Variants in EXOC4 observed in about 807,000 individuals in gnomAD.
EXOC4 encodes the protein SEC8-like 1.
EXOC4 carries 71 observed loss-of-function variants against 107.2 expected under a neutral mutation model. That is an observed-to-expected ratio of 0.66 (90% confidence interval 0.55 to 0.81). EXOC4 has a LOEUF of 0.81. Ranked by LOEUF, EXOC4 falls within the 30% of genes least tolerant of loss-of-function variation. The pLI is 0.00. For synonymous variants in EXOC4, 456 were observed against 441.2 expected (o/e 1.03, Z -0.42); for missense variants, 1,108 against 1,189.6 (o/e 0.93, Z 1.01).
rs993509704 is a variant in EXOC4 at position 133,567,219 on chromosome 7, A to G, written c.1418-62826A>G. On this transcript the variant is annotated intron_variant, in intron 9 of 17. Transcript: ENST00000253861. ...AATTTATATCATTAGTTTCTTATAT[A>G]TCATTCTAGAAATTTTTTGGCATAT... Among the ~76,000 whole-genome samples, 5 of 152,168 alleles carry G rather than the reference A, an allele frequency of 3.3e-5. No homozygotes were observed. In the East Asian group the frequency reaches 9.6e-4, roughly 29 times the overall value.
intron 9 of EXOC4, 86 bp downstream of exon 9, chr7:133,480,224 C>T (rs1231533088): frequency 2.4e-5 from 37 of 1,562,910 alleles, no homozygotes; most frequent in South Asian, 4.6e-5. Flanking sequence ...TGCATTCACA[C>T]GATCCTTTCA....
chr7:133,305,987 T>C lies in EXOC4; in HGVS notation c.582T>C (p.Asp194=), dbSNP rs1381130192. ...TGAACCTTCACTTGGTTCTCATAGA[T>C]GAACTACACCGGCACCTGTACATCA... ...KKMNLHLVLI[D]ELHRHLYIKS... The change falls in exon 4 of 18, where the codon GAT becomes GAC. Residue 194 remains aspartate, a synonymous_variant. Coordinates refer to ENST00000253861, the MANE Select transcript of EXOC4 (RefSeq NM_021807.4). 6.2e-7 allele frequency: 1 copy of C among 1,613,918 alleles called. No homozygotes were observed. The highest frequency in any genetic ancestry group is 8.5e-7 in the Non-Finnish European group (1 of 1,179,894).
At chr7:134,008,997 C>G (rs892588263) in intron 17 of EXOC4, among the ~76,000 whole-genome samples, 1 of 152,070 alleles carries the variant, frequency 6.6e-6, no homozygotes, top group Non-Finnish European at 1.5e-5. Flanking sequence ...ATTTTTTTCT[C>G]TCTTCATTTG....
chr7:133,296,796 T>G (rs1055675660), intron 3 of EXOC4, among the ~76,000 whole-genome samples: 2 of 152,250 alleles, frequency 1.3e-5, no homozygotes, highest in Non-Finnish European at 2.9e-5. Flanking sequence ...TTCAGCAATT[T>G]CCATTTGGCT....
chr7:133,657,425 A>T (rs563807984), intron 10 of EXOC4, among the ~76,000 whole-genome samples: 39 of 152,270 alleles, frequency 2.6e-4, no homozygotes, highest in Non-Finnish European at 4.6e-4. Flanking sequence ...AATTTTACTG[A>T]TGTTGGTATT....
intron 17 of EXOC4, among the ~76,000 whole-genome samples, chr7:134,060,253 G>A (rs549791236): frequency 1.3e-5 from 2 of 152,314 alleles, no homozygotes; most frequent in Non-Finnish European, 2.9e-5. Context: ...GCAAAGGGTA[G>A]GAGAAGCCAC....
intron 10 of EXOC4, among the ~76,000 whole-genome samples, chr7:133,716,993 A>G (rs1220433030): frequency 6.6e-6 from 1 of 152,216 alleles, no homozygotes; most frequent in Non-Finnish European, 1.5e-5. Context: ...TCAATTGGCC[A>G]TAATTCATAC....
intron 10 of EXOC4, among the ~76,000 whole-genome samples, chr7:133,677,457 T>C (rs1794089358): frequency 6.6e-6 from 1 of 152,098 alleles, no homozygotes. Context: ...TTGTGTACAC[T>C]TAAAAAAAAG....
chr7:133,982,104 G>A lies in EXOC4; in HGVS notation c.2207-15388G>A, dbSNP rs77198918. Among the ~76,000 whole-genome samples the A allele has an allele frequency of 4.7e-3, 718 of 152,290 alleles. 3 individuals are homozygous for A. Among genetic ancestry groups the A allele is most frequent in the Middle Eastern group, 0.017 (5 of 294 alleles). On this transcript the variant is annotated intron_variant, in intron 14 of 17. Coordinates refer to ENST00000253861, the MANE Select transcript of EXOC4 (RefSeq NM_021807.4). ...CAACAGACTCTGGGCCCTACTTGAC[G>A]GTGAGAGGAGGGAGAGGATCAGAAA...
chr7:133,431,110 A>G (rs974201956), intron 7 of EXOC4, among the ~76,000 whole-genome samples: 1 of 152,242 alleles, frequency 6.6e-6, no homozygotes, highest in Admixed American at 6.5e-5. Flanking sequence ...TAATGGTAGA[A>G]CAAGGACTAG....
Position 133,917,691 on chromosome 7 carries a change from A to C in EXOC4, c.1980A>C (p.Gln660His). 6.2e-7 allele frequency: 1 copy of C among 1,614,132 alleles called. No homozygotes were observed. Among genetic ancestry groups the C allele is most frequent in the Non-Finnish European group, 8.5e-7 (1 of 1,180,010 alleles). Reference protein sequence around the residue: ...KSLPNWMNMAQPKQLRPKREE... With the variant: ...KSLPNWMNMAHPKQLRPKREE... ...TACCAAACTGGATGAATATGGCTCA[A>C]CCCAAACAGCTGAGGCCAAAAAGAG... Residue 660 changes from glutamine to histidine, a missense_variant, in exon 13 of 18, where the codon CAA becomes CAC. Transcript: ENST00000253861.
Position 133,602,778 on chromosome 7 carries a change from G to A in EXOC4, c.1418-27267G>A, listed in dbSNP as rs1801838879. ...TTCAGCTGGGCCTTTCTTCTTGACAGGTGTGTTCTGTGCCTTGGCATGAGC... is the reference window on the plus strand; with the variant it reads ...TTCAGCTGGGCCTTTCTTCTTGACAAGTGTGTTCTGTGCCTTGGCATGAGC... On this transcript the variant is annotated intron_variant, in intron 9 of 17. Transcript: ENST00000253861. Among the ~76,000 whole-genome samples, 4 of 152,220 alleles carry A rather than the reference G, an allele frequency of 2.6e-5. No individual in the cohort carries two copies. In the South Asian group the frequency reaches 8.3e-4, roughly 32 times the overall value.
intron 7 of EXOC4, among the ~76,000 whole-genome samples, chr7:133,422,527 A>G (rs1797629854): frequency 1.3e-5 from 2 of 152,236 alleles, no homozygotes; most frequent in Admixed American, 1.3e-4. Flanking sequence ...GCATTACATA[A>G]TAAAATCAGT....
At chr7:133,539,670 GT>G (rs752887343) in intron 9 of EXOC4, among the ~76,000 whole-genome samples, 7 of 151,768 alleles carry the variant, frequency 4.6e-5, no homozygotes, top group East Asian at 3.9e-4. Context: ...TAACTTGGAG[GT>G]TTTTTTTCCT....
chr7:133,929,550 A>G (rs898213420), intron 13 of EXOC4, among the ~76,000 whole-genome samples: 7 of 151,882 alleles, frequency 4.6e-5, no homozygotes, highest in Non-Finnish European at 7.4e-5. Flanking sequence ...ACTCTTCTTT[A>G]TAGTATCTCT....
chr7:133,420,787 C>T (rs1797587302), intron 7 of EXOC4, among the ~76,000 whole-genome samples: 2 of 151,810 alleles, frequency 1.3e-5, no homozygotes, highest in Non-Finnish European at 2.9e-5. Context: ...TTGGGCTTGA[C>T]CTGGCCAGGT....
chr7:133,887,118 A>C (rs577924158), intron 11 of EXOC4, among the ~76,000 whole-genome samples: 30 of 152,108 alleles, frequency 2.0e-4, no homozygotes, highest in African/African-American at 6.7e-4. Context: ...CATCCCCAAA[A>C]CCTTGACCTC....
the EXOC4 span, among the ~76,000 whole-genome samples, chr7:134,093,132 TA>T: frequency 1.3e-5 from 2 of 151,898 alleles, no homozygotes; most frequent in East Asian, 3.9e-4. Context: ...TACATTGGAT[TA>T]AAAAAACAAG....
chr7:133,653,471 G>T (rs967145888), intron 10 of EXOC4, among the ~76,000 whole-genome samples: 83 of 152,096 alleles, frequency 5.5e-4, no homozygotes, highest in African/African-American at 1.8e-3. Flanking sequence ...GCACTATTTT[G>T]TGTTTGCACA....
Sources: allele counts gnomAD v4.1 joint callset (sites outside exome capture counted in the v4.1 genomes callset), GRCh38; gene constraint gnomAD v4.1.1; transcripts MANE v1.5; gene names NCBI Gene and HGNC (gene_info 2026-07-23, HGNC 2026-07-21).